Variants in WDPCP observed in about 807,000 individuals in gnomAD.
The protein encoded by WDPCP is WD repeat containing planar cell polarity effector.
Under a neutral mutation model 93.1 loss-of-function variants are expected in WDPCP, and 71 were observed. That is an observed-to-expected ratio of 0.76 (90% CI 0.63 to 0.93). The LOEUF is 0.93. Ranked by LOEUF, WDPCP falls within the 40% of genes least tolerant of loss-of-function variation. The pLI is 0.00. For missense variants in WDPCP, 844 were observed against 887.4 expected (o/e 0.95, Z 0.62); for synonymous variants, 315 against 315.0 (o/e 1.00, Z 0.00).
intron 9 of WDPCP, among the ~76,000 whole-genome samples, chr2:63,428,334 CA>C (rs1164166963): frequency 6.6e-6 from 1 of 152,140 alleles, no homozygotes; most frequent in African/African-American, 2.4e-5. Flanking sequence ...CAAAAATCCT[CA>C]ACAAAACACT....
intron 15 of WDPCP, among the ~76,000 whole-genome samples, chr2:63,156,985 T>A (rs960749154): frequency 3.3e-5 from 5 of 151,836 alleles, no homozygotes; most frequent in African/African-American, 1.2e-4. Context: ...ATTCTCTTTT[T>A]CCTTCTTGGT....
chr2:63,785,828 TA>T (rs1196214661), intron 2 of WDPCP, among the ~76,000 whole-genome samples: 3 of 152,204 alleles, frequency 2.0e-5, no homozygotes, highest in Non-Finnish European at 4.4e-5. Context: ...AAGACAAAGA[TA>T]TTTTTTAAAA....
chr2:63,569,507 A>G (rs1442120864), intron 1 of WDPCP, among the ~76,000 whole-genome samples: 2 of 152,232 alleles, frequency 1.3e-5, no homozygotes, highest in Non-Finnish European at 2.9e-5. Context: ...CAAAATGGGA[A>G]AGCCCAAGGA....
At chr2:63,621,431 G>T (rs913005699) in intron 3 of WDPCP, among the ~76,000 whole-genome samples, 2 of 151,902 alleles carry the variant, frequency 1.3e-5, no homozygotes, top group African/African-American at 4.8e-5. Flanking sequence ...ATCAGAGATT[G>T]AAGATCAACT....
At chr2:63,836,336 G>A in the WDPCP span, among the ~76,000 whole-genome samples, 1 of 152,202 alleles carries the variant, frequency 6.6e-6, no homozygotes. Flanking sequence ...AAAGTCATTT[G>A]ATGGAATGCA....
At chr2:63,382,241 G>C (rs1351139631) in intron 10 of WDPCP, 147 bp from the exon 11 acceptor site, 8 of 732,246 alleles carry the variant, frequency 1.1e-5, no homozygotes, top group Non-Finnish European at 1.3e-5. Context: ...ACTAATATTT[G>C]CTATAAGATA....
chr2:63,284,435 T>C (rs1683829044), intron 13 of WDPCP, among the ~76,000 whole-genome samples: 1 of 152,192 alleles, frequency 6.6e-6, no homozygotes, highest in Non-Finnish European at 1.5e-5. Flanking sequence ...CAGCATATGA[T>C]TTTTTAATCT....
intron 14 of WDPCP, among the ~76,000 whole-genome samples, chr2:63,184,142 T>C (rs559942767): frequency 6.6e-6 from 1 of 152,268 alleles, no homozygotes; most frequent in East Asian, 1.9e-4. Flanking sequence ...CATAGTTATA[T>C]GTGAGGTTTG....
intron 13 of WDPCP, among the ~76,000 whole-genome samples, chr2:63,284,845 T>C (rs1230538172): frequency 6.6e-6 from 1 of 152,154 alleles, no homozygotes; most frequent in Non-Finnish European, 1.5e-5. Context: ...ACTGAAACCA[T>C]GGAAGGTGAA....
chr2:63,748,598 A>G (rs1403193337), intron 2 of WDPCP, among the ~76,000 whole-genome samples: 1 of 152,076 alleles, frequency 6.6e-6, no homozygotes, highest in Non-Finnish European at 1.5e-5. Context: ...ATTATCTCAT[A>G]CCCATTGCTG....
chr2:63,575,468 CAGTATATACAGTGTATATAT>C (rs1707974881), intron 1 of WDPCP, among the ~76,000 whole-genome samples: 1 of 328 alleles, frequency 3.0e-3, no homozygotes, highest in African/African-American at 3.6e-3. Flanking sequence ...AGTATATATG[CAGTATATACAGTGTATATAT>C]AGTATATACA....
chr2:63,572,871 A>G (rs2106482540), intron 1 of WDPCP, among the ~76,000 whole-genome samples: 1 of 152,096 alleles, frequency 6.6e-6, no homozygotes, highest in Admixed American at 6.5e-5. Context: ...TGCCCAACTT[A>G]AAATCTGATA....
intron 2 of WDPCP, among the ~76,000 whole-genome samples, chr2:63,744,843 G>T (rs1417087099): frequency 6.6e-6 from 1 of 151,694 alleles, no homozygotes; most frequent in African/African-American, 2.4e-5. Flanking sequence ...TGCACAAATA[G>T]TTTCACCATC....
chr2:63,253,633 G>GA (rs1160305404), intron 14 of WDPCP, among the ~76,000 whole-genome samples: 1 of 151,970 alleles, frequency 6.6e-6, no homozygotes, highest in African/African-American at 2.4e-5. Context: ...CAACAAACAT[G>GA]AAAAAATGCT....
chr2:63,745,723 G>A (rs566283359), intron 2 of WDPCP, among the ~76,000 whole-genome samples: 76 of 152,018 alleles, frequency 5.0e-4, no homozygotes, highest in African/African-American at 1.7e-3. Flanking sequence ...CTAATATAGG[G>A]GCTATTATCA....
chr2:63,592,505 A>C (rs1296705380), upstream of WDPCP, among the ~76,000 whole-genome samples: 3 of 152,052 alleles, frequency 2.0e-5, no homozygotes, highest in African/African-American at 7.2e-5. Flanking sequence ...ATCTGCCACC[A>C]CACCCAGCTA....
intron 1 of WDPCP, among the ~76,000 whole-genome samples, chr2:63,538,340 T>G (rs542128943): frequency 6.6e-6 from 1 of 152,144 alleles, no homozygotes; most frequent in Non-Finnish European, 1.5e-5. Context: ...ATGAATTCAT[T>G]AATATGCTAG....
chr2:63,262,282 A>G (rs1031128908), intron 13 of WDPCP, among the ~76,000 whole-genome samples: 1 of 152,106 alleles, frequency 6.6e-6, no homozygotes, highest in African/African-American at 2.4e-5. Context: ...ATTACCAACC[A>G]TTACTAAAGA....
Position 63,492,872 on chromosome 2 carries a change from AT to A in WDPCP, c.143del (p.Asn48IlefsTer29). 6.2e-7 allele frequency: 1 copy of A among 1,613,664 alleles called. No individual in the cohort carries two copies. Among genetic ancestry groups the A allele is most frequent in the Non-Finnish European group, 8.5e-7 (1 of 1,179,828 alleles). On this transcript the variant is annotated frameshift_variant, in exon 2 of 18. Transcript: ENST00000272321. LOFTEE classifies it high-confidence loss of function. ...CTCATTTACCCGCAATGTGTAAGGT[AT>A]TCTTCAAAGACCACAGGTGCAGTTC... ...LTELHLWSLK[N>X]TLHIADRDIG...
Sources: allele counts gnomAD v4.1 joint callset (sites outside exome capture counted in the v4.1 genomes callset), GRCh38; gene constraint gnomAD v4.1.1; transcripts MANE v1.5; gene names NCBI Gene and HGNC (gene_info 2026-07-23, HGNC 2026-07-21).